Variants in FLT3 observed in about 807,000 individuals in gnomAD.
The protein encoded by FLT3 is fms related receptor tyrosine kinase 3, also known as receptor-type tyrosine-protein kinase FLT3.
A neutral mutation model predicts 126.6 loss-of-function variants in FLT3; 46 were observed. That is an observed-to-expected ratio of 0.36 (90% CI 0.29 to 0.46). FLT3 has a LOEUF of 0.46. FLT3 is among the 20% of genes least tolerant of loss of function. The pLI is 1.00. For synonymous variants in FLT3, 404 were observed against 434.4 expected (o/e 0.93, Z 0.87); for missense variants, 1,069 against 1,190.3 (o/e 0.90, Z 1.50).
chr13:28,056,808 C>A (rs559911024), intron 4 of FLT3, among the ~76,000 whole-genome samples: 1 of 152,292 alleles, frequency 6.6e-6, no homozygotes, highest in Non-Finnish European at 1.5e-5. Context: ...GTCACCTTAG[C>A]CACCTTTCAA....
chr13:28,054,426 A>G (rs77664614), intron 4 of FLT3, among the ~76,000 whole-genome samples: 1 of 151,360 alleles, frequency 6.6e-6, no homozygotes, highest in Non-Finnish European at 1.5e-5. Flanking sequence ...AAAAAAAAAA[A>G]GGAAAAGAAT....
chr13:28,023,345 C>G lies in FLT3; in HGVS notation c.2418+5G>C. ...TGGTTTGTTTTTTCTTTAAAAGGAG[C>G]ATACCGACTTAAATTCCAGAAATTC... On this transcript the variant is annotated splice_donor_5th_base_variant and intron_variant, in intron 19 of 23. Coordinates refer to ENST00000241453, the MANE Select transcript of FLT3 (RefSeq NM_004119.3). 1 of 1,610,168 alleles carries G rather than the reference C, an allele frequency of 6.2e-7. No homozygotes were observed. The highest frequency in any genetic ancestry group is 8.5e-7 in the Non-Finnish European group (1 of 1,178,846).
At chr13:28,026,132 A>G (rs1872775572) in intron 17 of FLT3, among the ~76,000 whole-genome samples, 1 of 152,014 alleles carries the variant, frequency 6.6e-6, no homozygotes, top group African/African-American at 2.4e-5. Context: ...GGGTGGATCA[A>G]CTGAGGTCAG....
At chr13:28,056,659 C>T (rs1876030091) in intron 4 of FLT3, among the ~76,000 whole-genome samples, 1 of 152,206 alleles carries the variant, frequency 6.6e-6, no homozygotes, top group Admixed American at 6.5e-5. Context: ...ACATCTGGAC[C>T]GTTCCTTACA....
intron 23 of FLT3, among the ~76,000 whole-genome samples, chr13:28,011,345 AG>A (rs1871340788): frequency 1.7e-5 from 1 of 57,466 alleles, no homozygotes; most frequent in African/African-American, 6.3e-5. Flanking sequence ...AGGGGAGGGG[AG>A]GGGAGGGGAG....
chr13:28,082,402 C>G (rs910756245), intron 1 of FLT3, among the ~76,000 whole-genome samples: 1 of 152,082 alleles, frequency 6.6e-6, no homozygotes, highest in East Asian at 1.9e-4. Context: ...CCTCAAGCAA[C>G]CCCCCTTGCC....
intron 3 of FLT3, among the ~76,000 whole-genome samples, chr13:28,059,884 CAGGAGG>C (rs1206770765): frequency 6.6e-6 from 1 of 151,406 alleles, no homozygotes; most frequent in Non-Finnish European, 1.5e-5. Flanking sequence ...TGCTTGAACC[CAGGAGG>C]AGGAGGTTGC....
intron 2 of FLT3, among the ~76,000 whole-genome samples, chr13:28,067,142 C>A (rs1877107871): frequency 6.6e-6 from 1 of 152,168 alleles, no homozygotes; most frequent in Non-Finnish European, 1.5e-5. Context: ...CCTGCCTCAG[C>A]CTCTTGAGTA....
rs1224965356 is a variant in FLT3 at position 28,052,584 on chromosome 13, G to A, written c.575C>T (p.Pro192Leu). Residue 192 changes from proline (P) to leucine (L), a missense_variant, in exon 5 of 24, where the codon CCG becomes CTG. Physicochemically the swap from Pro to Leu is moderately conservative, Grantham distance 98 (BLOSUM62 -3). Coordinates refer to ENST00000241453, the MANE Select transcript of FLT3 (RefSeq NM_004119.3). ...LVCISESVPE[P>L]IVEWVLCDSQ... is the part of the protein sequence containing the mutation. ...ATCGCAAAGCACCCATTCCACGATC[G>A]GCTCTGGAACGCTCTCAGATATGCA... is the stretch of plus-strand genomic sequence containing the variant. 2 of 1,613,568 alleles carry A rather than the reference G, an allele frequency of 1.2e-6. No individual in the cohort carries two copies. The highest frequency in any genetic ancestry group is 1.1e-5 in the South Asian group (1 of 91,030).
At chr13:28,068,487 A>T (rs1406995379) in intron 2 of FLT3, among the ~76,000 whole-genome samples, 1 of 150,422 alleles carries the variant, frequency 6.6e-6, no homozygotes, top group Non-Finnish European at 1.5e-5. Flanking sequence ...TCTGGCTAAC[A>T]TGGCAAAACC....
intron 19 of FLT3, among the ~76,000 whole-genome samples, chr13:28,022,943 C>A (rs1192892183): frequency 6.6e-6 from 1 of 152,242 alleles, no homozygotes; most frequent in Non-Finnish European, 1.5e-5. Context: ...TAGACAAAGA[C>A]ACTCAGGGTG....
intron 9 of FLT3, among the ~76,000 whole-genome samples, chr13:28,038,678 C>T (rs1298346193): frequency 6.6e-6 from 1 of 152,102 alleles, no homozygotes; most frequent in Non-Finnish European, 1.5e-5. Context: ...TGGTCTCGAT[C>T]TCCTGACCTT....
chr13:28,097,106 C>G (rs9554255), intron 1 of FLT3, among the ~76,000 whole-genome samples: 12,012 of 151,924 alleles, frequency 0.079, 554 homozygotes, highest in East Asian at 0.19. Flanking sequence ...GTCCCAGGTA[C>G]TCAGGAGGCT....
chr13:28,074,373 T>A (rs1330873053), intron 1 of FLT3, among the ~76,000 whole-genome samples: 1 of 152,234 alleles, frequency 6.6e-6, no homozygotes, highest in Non-Finnish European at 1.5e-5. Context: ...AAGCTGCTAT[T>A]TATATAAAAG....
intron 9 of FLT3, among the ~76,000 whole-genome samples, chr13:28,043,014 G>A (rs1193845464): frequency 2.6e-5 from 4 of 151,830 alleles, no homozygotes; most frequent in African/African-American, 7.3e-5. Flanking sequence ...GAACCCAAAC[G>A]ACCACCACAC....
At chr13:28,080,075 T>C (rs1467582225) in intron 1 of FLT3, among the ~76,000 whole-genome samples, 1 of 152,096 alleles carries the variant, frequency 6.6e-6, no homozygotes, top group Non-Finnish European at 1.5e-5. Context: ...CTAGGCTCCA[T>C]CTAAAACACT....
At chr13:28,048,110 G>C (rs1023318725) in intron 9 of FLT3, among the ~76,000 whole-genome samples, 165 bp downstream of exon 9, 1 of 152,198 alleles carries the variant, frequency 6.6e-6, no homozygotes, top group Non-Finnish European at 1.5e-5. Flanking sequence ...GACTGCTACT[G>C]TATCCTCACA....
chr13:28,099,909 CA>C (rs1275046155), intron 1 of FLT3, among the ~76,000 whole-genome samples: 1 of 152,136 alleles, frequency 6.6e-6, no homozygotes, highest in Non-Finnish European at 1.5e-5. Context: ...TTGATCCAAC[CA>C]AAATTCGGCG....
chr13:28,079,183 G>T (rs971580922), intron 1 of FLT3, among the ~76,000 whole-genome samples: 1 of 152,118 alleles, frequency 6.6e-6, no homozygotes, highest in Non-Finnish European at 1.5e-5. Context: ...CAAGTTCAAA[G>T]TTCCACAAAT....
Sources: allele counts gnomAD v4.1 joint callset (sites outside exome capture counted in the v4.1 genomes callset), GRCh38; gene constraint gnomAD v4.1.1; transcripts MANE v1.5; gene names NCBI Gene and HGNC (gene_info 2026-07-23, HGNC 2026-07-21).